INPP4A: variants seen among roughly 807,000 people sequenced by gnomAD.
The protein encoded by INPP4A is inositol polyphosphate-4-phosphatase, type I, 107kD.
Under a neutral mutation model 119.8 loss-of-function variants are expected in INPP4A, and 33 were observed. The observed-to-expected ratio is 0.28, with a 90% CI of 0.21 to 0.37. INPP4A has a LOEUF of 0.37. Among genes scored for constraint, INPP4A ranks in the 10% least tolerant of loss-of-function variants. The probability of loss-of-function intolerance (pLI) is 1.00; values close to 1 mark genes in which losing one functional copy is unlikely to be tolerated. For synonymous variants in INPP4A, 496 were observed against 500.7 expected, an observed-to-expected ratio of 0.99 and a Z score of 0.12; for missense variants, 956 against 1,289.9, an observed-to-expected ratio of 0.74 and a Z score of 3.97.
At chr2:98,574,598 A>G (rs931141778) in intron 23 of INPP4A, among the ~76,000 whole-genome samples, 2 of 150,350 alleles carry the variant, frequency 1.3e-5, no homozygotes, top group Non-Finnish European at 3.0e-5. Flanking sequence ...AAATCACACT[A>G]CTGCACTCCA....
At chr2:98,549,276 C>G (rs1191612168) in intron 13 of INPP4A, among the ~76,000 whole-genome samples, 1 of 152,112 alleles carries the variant, frequency 6.6e-6, no homozygotes, top group Non-Finnish European at 1.5e-5. Context: ...CCCCTGGGTG[C>G]TGGGTTCTCA....
intron 13 of INPP4A, among the ~76,000 whole-genome samples, chr2:98,547,040 G>A (rs1692604523): frequency 6.6e-6 from 1 of 152,236 alleles, no homozygotes; most frequent in Non-Finnish European, 1.5e-5. Context: ...ATCGAGCCTG[G>A]AGCATGTTGT....
chr2:98,520,972 G>A lies in INPP4A; in HGVS notation c.151+241G>A, dbSNP rs1370983276. 9.5e-6 allele frequency: 4 copies of A among 419,222 alleles called. 1 individual carries two copies. Among genetic ancestry groups the A allele is most frequent in the East Asian group, 4.4e-5 (1 of 22,596 alleles). 26.0% of individuals were successfully genotyped at this position (419,222 alleles called of 1,614,324 possible). On this transcript the variant is annotated intron_variant, in intron 4 of 24. Coordinates refer to ENST00000409851, the MANE Select transcript of INPP4A (RefSeq NM_001134225.2). Reference sequence around the variant, plus strand: ...CAGCATGGGGCCCGCCCCCTTGGGGGTATGCTCTCCACAGGTGGCTGGGGA... The same window carrying A: ...CAGCATGGGGCCCGCCCCCTTGGGGATATGCTCTCCACAGGTGGCTGGGGA...
intron 4 of INPP4A, among the ~76,000 whole-genome samples, chr2:98,531,075 A>C (rs905449210): frequency 6.6e-6 from 1 of 152,210 alleles, no homozygotes; most frequent in African/African-American, 2.4e-5. Flanking sequence ...AATCCCATTC[A>C]TGAAGACTCT....
chr2:98,537,006 A>G (rs1690412532), intron 7 of INPP4A, among the ~76,000 whole-genome samples: 2 of 152,204 alleles, frequency 1.3e-5, no homozygotes, highest in African/African-American at 4.8e-5. Context: ...TTTGAGAAAA[A>G]TATTTAGTTA....
At chr2:98,516,999 C>T (rs1006657696) in intron 1 of INPP4A, among the ~76,000 whole-genome samples, 6 of 151,918 alleles carry the variant, frequency 3.9e-5, no homozygotes, top group Non-Finnish European at 7.4e-5. Context: ...GTATAAAAAT[C>T]ACCTGTGTAC....
At chr2:98,468,841 A>G (rs1390636944) in intron 1 of INPP4A, among the ~76,000 whole-genome samples, 1 of 152,200 alleles carries the variant, frequency 6.6e-6, no homozygotes, top group Admixed American at 6.5e-5. Flanking sequence ...CAAAGTCTCT[A>G]CATCACGCCC....
chr2:98,502,576 C>T (rs1683320050), intron 1 of INPP4A, among the ~76,000 whole-genome samples: 1 of 152,124 alleles, frequency 6.6e-6, no homozygotes, highest in Non-Finnish European at 1.5e-5. Context: ...TATTCTCTCC[C>T]TCTCATAACT....
At chr2:98,453,515 T>C (rs1268411900) in intron 1 of INPP4A, among the ~76,000 whole-genome samples, 1 of 152,082 alleles carries the variant, frequency 6.6e-6, no homozygotes, top group African/African-American at 2.4e-5. Context: ...TGGATTTTGG[T>C]AAAGATGTGT....
In INPP4A at chr2:98,570,460, C is replaced by T. The variant is rs572711441; in HGVS notation, c.2518+1792C>T. ...GGACAAGGAGCTGCTGGTGATCTCT[C>T]CCATACAGTCTCACTGTGGTGAGGG... On this transcript the variant is annotated intron_variant, in intron 22 of 24. Transcript: ENST00000409851. This position sits in a 1 kb window ranked among gnomAD's most constrained non-coding sequence, Gnocchi z 4.3. Among the ~76,000 whole-genome samples, 1 of 152,250 alleles carries T rather than the reference C, an allele frequency of 6.6e-6. No homozygotes were observed. Among genetic ancestry groups the T allele is most frequent in the South Asian group, 2.1e-4 (1 of 4,812 alleles).
At chr2:98,562,845 G>A (rs1457812240) in intron 17 of INPP4A, among the ~76,000 whole-genome samples, 1 of 151,692 alleles carries the variant, frequency 6.6e-6, no homozygotes, top group African/African-American at 2.4e-5. Flanking sequence ...AATAGTACTG[G>A]GGAAGGAAGG....
intron 1 of INPP4A, among the ~76,000 whole-genome samples, chr2:98,503,372 C>G (rs1683484079): frequency 6.6e-6 from 1 of 152,212 alleles, no homozygotes; most frequent in South Asian, 2.1e-4. Flanking sequence ...CGTCCTGGCT[C>G]TCCAGCCCCA....
intron 24 of INPP4A, among the ~76,000 whole-genome samples, chr2:98,579,300 C>T (rs1187762522): frequency 2.6e-5 from 4 of 152,218 alleles, no homozygotes. Context: ...ATCCGCCCAC[C>T]TTGGCCTCCC....
At chr2:98,514,958 A>G (rs1685827025) in intron 1 of INPP4A, among the ~76,000 whole-genome samples, 1 of 151,982 alleles carries the variant, frequency 6.6e-6, no homozygotes, top group South Asian at 2.1e-4. Context: ...CAAAACTCCA[A>G]AGGACTGAGT....
In INPP4A at chr2:98,588,729, TG is replaced by T; in HGVS notation, c.*1123del. 4.5e-6 allele frequency: 1 copy of T among 222,312 alleles called. No homozygotes were observed. Among genetic ancestry groups the T allele is most frequent in the Non-Finnish European group, 9.0e-6 (1 of 111,280 alleles). The allele number at this position is 222,312 out of a possible 1,614,324, so 13.8% of individuals were successfully genotyped here. A position where few individuals can be genotyped will look rare whatever the true frequency, so the allele number is the denominator to read the frequency against. The stretch of plus-strand genomic sequence containing the variant: ...TAGGAATTTCATAGAAAATTTTGTC[TG>T]GTCATCTTTTATAAGATGATGATGA... On this transcript the variant is annotated 3_prime_UTR_variant, in exon 25 of 25. Coordinates refer to ENST00000409851, the MANE Select transcript of INPP4A (RefSeq NM_001134225.2).
chr2:98,579,813 T>C (rs958299593), intron 24 of INPP4A, among the ~76,000 whole-genome samples: 5 of 152,252 alleles, frequency 3.3e-5, no homozygotes, highest in African/African-American at 1.2e-4. Flanking sequence ...TTCTTTGTTT[T>C]CTGAAATCTC....
Position 98,568,667 on chromosome 2 carries a change from T to G in INPP4A, c.2517T>G (p.Asp839Glu). The G allele has an allele frequency of 6.6e-7, 1 of 1,519,776 alleles. No individual in the cohort carries two copies. The highest frequency in any genetic ancestry group is 1.2e-5 in the South Asian group (1 of 86,124). 94.1% of individuals were successfully genotyped at this position (1,519,776 alleles called of 1,614,324 possible). A position where few individuals can be genotyped will look rare whatever the true frequency, so the allele number is the denominator to read the frequency against. Residue 839 changes from aspartate (D) to glutamate (E), a missense_variant and splice_region_variant, in exon 22 of 25, where the codon GAT (aspartate) becomes GAG (glutamate). Physicochemically the swap from Asp to Glu is conservative, Grantham distance 45. Coordinates refer to ENST00000409851, the MANE Select transcript of INPP4A (RefSeq NM_001134225.2). ...FEQFKEVLPE[D>E]CLPRSRSQTC... ...AGTTTAAGGAAGTTTTGCCTGAGGA[T>G]TGTAAGTATTTCTTCAGTCATGGTA... is the stretch of plus-strand genomic sequence containing the variant.
chr2:98,565,652 C>T lies in INPP4A; in HGVS notation c.2165C>T (p.Ala722Val), dbSNP rs968059781. 6.2e-7 allele frequency: 1 copy of T among 1,607,742 alleles called. No homozygotes were observed. Among genetic ancestry groups the T allele is most frequent in the Non-Finnish European group, 8.5e-7 (1 of 1,175,172 alleles). ...CTCTCATGTCCAGGGGAGGAGCTGG[C>T]AATGCTGGAGGACATGAGCCTTGGG... ...SLLSTYGEEL[A>V]MLEDMSLGIM... is the part of the protein sequence containing the mutation. The change falls in exon 20 of 25, where the codon GCA (alanine) becomes GTA (valine). Residue 722 changes from alanine (A) to valine (V), a missense_variant. Physicochemically the swap from Ala to Val is moderately conservative, Grantham distance 64. Around this residue, in one of 2 missense-constraint regions of INPP4A, gnomAD observed 304 missense variants for 492.1 expected, o/e 0.62. Transcript: ENST00000409851.
chr2:98,482,204 T>C (rs973993644), intron 1 of INPP4A, among the ~76,000 whole-genome samples: 1 of 152,292 alleles, frequency 6.6e-6, no homozygotes, highest in Non-Finnish European at 1.5e-5. Flanking sequence ...GCCACCTTGC[T>C]GTAAAATGTT....
Sources: gnomAD v4.1 joint callset for allele counts (sites outside exome capture counted in the v4.1 genomes callset) on GRCh38, gnomAD v4.1.1 for gene constraint, gnomAD v4.1.1 regional missense constraint, Gnocchi (gnomAD v3.1) non-coding constraint, MANE v1.5 for transcripts, NCBI Gene and HGNC (gene_info 2026-07-23, HGNC 2026-07-21) for gene names.